Variants in RAB3IP observed in about 807,000 individuals in gnomAD.
RAB3IP encodes RAB3A interacting protein.
A neutral mutation model predicts 59.1 loss-of-function variants in RAB3IP; 36 were observed. The observed-to-expected ratio is 0.61, with a 90% CI of 0.47 to 0.80. The LOEUF (loss-of-function observed/expected upper bound fraction) is 0.80. RAB3IP is among the 30% of genes least tolerant of loss of function. RAB3IP has a pLI of 0.00. For missense variants in RAB3IP, 511 were observed against 536.0 expected (o/e 0.95, Z 0.46); for synonymous variants, 207 against 191.2 (o/e 1.08, Z -0.68).
At chr12:69,751,795 T>C (rs1869350923) in intron 1 of RAB3IP, among the ~76,000 whole-genome samples, 3 of 152,140 alleles carry the variant, frequency 2.0e-5, no homozygotes. Context: ...TTCTGTGTGG[T>C]TAAGCTACCA....
At chr12:69,764,953 G>A (rs984850597) in intron 3 of RAB3IP, among the ~76,000 whole-genome samples, 2 of 152,122 alleles carry the variant, frequency 1.3e-5, no homozygotes, top group East Asian at 1.9e-4. Context: ...AATGTTATTG[G>A]TGTATACAAA....
chr12:69,801,121 G>A (rs991467068), intron 7 of RAB3IP, among the ~76,000 whole-genome samples: 21 of 152,124 alleles, frequency 1.4e-4, no homozygotes, highest in African/African-American at 4.6e-4. Flanking sequence ...AGTTGCTACC[G>A]TCTTCATCTG....
intron 3 of RAB3IP, among the ~76,000 whole-genome samples, chr12:69,766,533 T>TC (rs1176777636): frequency 1.3e-5 from 2 of 151,618 alleles, no homozygotes; most frequent in Non-Finnish European, 2.9e-5. Context: ...CTTTTCTTTT[T>TC]TTTTTTAAGA....
At chr12:69,743,138 A>G (rs1405196294) in intron 1 of RAB3IP, among the ~76,000 whole-genome samples, 3 of 152,236 alleles carry the variant, frequency 2.0e-5, no homozygotes, top group South Asian at 2.1e-4. Flanking sequence ...AGAATGCCCT[A>G]TGAGCATAAA....
chr12:69,751,336 G>A lies in RAB3IP; in HGVS notation c.-25-4048G>A, dbSNP rs950231452. ...TAACAAGATGTTCCAGGGTCCTTTC[G>A]TACATTTCTGTCCCAGGCTGGAATC... On this transcript the variant is annotated intron_variant, in intron 1 of 10. Coordinates refer to ENST00000247833, the MANE Select transcript of RAB3IP (RefSeq NM_022456.5). Among the ~76,000 whole-genome samples, 5 of 152,212 alleles carry A rather than the reference G, an allele frequency of 3.3e-5. No homozygotes were observed. The East Asian group carries it at 5.8e-4, about 18-fold the overall frequency.
intron 6 of RAB3IP, among the ~76,000 whole-genome samples, chr12:69,798,790 G>T (rs1039156962): frequency 6.6e-6 from 1 of 152,060 alleles, no homozygotes; most frequent in Non-Finnish European, 1.5e-5. Context: ...GAATAAATTT[G>T]CATCTTTCTT....
At chr12:69,797,871 A>G (rs369944257) in intron 6 of RAB3IP, among the ~76,000 whole-genome samples, 16 of 152,018 alleles carry the variant, frequency 1.1e-4, no homozygotes, top group Non-Finnish European at 1.8e-4. Flanking sequence ...TTTTATGGCT[A>G]CATAGTATTC....
At chr12:69,751,366 A>G (rs1869253329) in intron 1 of RAB3IP, among the ~76,000 whole-genome samples, 2 of 151,972 alleles carry the variant, frequency 1.3e-5, no homozygotes, top group African/African-American at 4.8e-5. Flanking sequence ...GGAATCAGCC[A>G]TTTTTCCCAA....
chr12:69,765,315 G>A (rs1434417037), intron 3 of RAB3IP, among the ~76,000 whole-genome samples: 2 of 152,088 alleles, frequency 1.3e-5, no homozygotes, highest in African/African-American at 4.8e-5. Flanking sequence ...ACATTTCTTT[G>A]ATGCCTAATT....
intron 4 of RAB3IP, among the ~76,000 whole-genome samples, chr12:69,786,079 G>A (rs191994403): frequency 6.6e-6 from 1 of 152,066 alleles, no homozygotes; most frequent in Admixed American, 6.6e-5. Context: ...AAACTTGGGG[G>A]GGTGGAAATT....
chr12:69,751,779 G>T (rs1478225074), intron 1 of RAB3IP, among the ~76,000 whole-genome samples: 1 of 152,012 alleles, frequency 6.6e-6, no homozygotes, highest in African/African-American at 2.4e-5. Flanking sequence ...ACTCGAAGTA[G>T]TTCTTTTCTG....
chr12:69,756,572 A>G lies in RAB3IP; in HGVS notation c.419A>G (p.Asp140Gly), dbSNP rs761894282. 1 of 1,614,010 alleles carries G rather than the reference A, an allele frequency of 6.2e-7. No individual in the cohort carries two copies. The highest frequency in any genetic ancestry group is 1.3e-5 in the African/African-American group (1 of 74,914). Residue 140 changes from aspartate (D) to glycine (G), a missense_variant, in exon 3 of 11, where the codon GAT (aspartate) becomes GGT (glycine). Coordinates refer to ENST00000247833, the MANE Select transcript of RAB3IP (RefSeq NM_022456.5). Reference protein sequence around the residue: ...GSDDIFGLSTDSLSRLRSPSV... With the variant: ...GSDDIFGLSTGSLSRLRSPSV... The stretch of plus-strand genomic sequence containing the variant: ...GATGATATTTTTGGGTTGAGTACTG[A>G]TAGTCTGTCTCGTTTACGAAGCCCA...
intron 8 of RAB3IP, among the ~76,000 whole-genome samples, chr12:69,803,288 G>A (rs1205343732): frequency 1.3e-5 from 2 of 152,010 alleles, no homozygotes; most frequent in Non-Finnish European, 1.5e-5. Flanking sequence ...GATGCATATC[G>A]TGGAAAAAAC....
intron 6 of RAB3IP, among the ~76,000 whole-genome samples, chr12:69,797,477 CT>C: frequency 0.34 from 18,810 of 55,224 alleles, 2,778 homozygotes; most frequent in South Asian, 0.4. Context: ...TCTTTTCTTT[CT>C]TTTTTTTTTT....
At chr12:69,758,845 GT>G (rs773023046) in intron 3 of RAB3IP, among the ~76,000 whole-genome samples, 8 of 111,364 alleles carry the variant, frequency 7.2e-5, no homozygotes, top group Middle Eastern at 5.9e-3. Flanking sequence ...GTTGATGGTT[GT>G]TTTTTTTTTT....
intron 8 of RAB3IP, among the ~76,000 whole-genome samples, chr12:69,802,563 A>T (rs147631747): frequency 5.0e-4 from 76 of 152,336 alleles, no homozygotes; most frequent in Non-Finnish European, 7.4e-4. Context: ...TTAAAAAATG[A>T]CTTGGAAAGC....
At chr12:69,766,569 G>GGA (rs1872237640) in intron 3 of RAB3IP, among the ~76,000 whole-genome samples, 1 of 150,478 alleles carries the variant, frequency 6.6e-6, no homozygotes, top group Non-Finnish European at 1.5e-5. Flanking sequence ...CACCCAGGCT[G>GGA]GAGTGCAATG....
intron 4 of RAB3IP, among the ~76,000 whole-genome samples, chr12:69,790,922 A>G (rs140790933): frequency 6.6e-6 from 1 of 152,338 alleles, no homozygotes; most frequent in East Asian, 1.9e-4. Flanking sequence ...AGCTGGATGC[A>G]TCACACTTCC....
In RAB3IP at chr12:69,809,462, G is replaced by A. The variant is rs974391665; in HGVS notation, c.1131-3316G>A. 4.1e-4 allele frequency among the ~76,000 whole-genome samples: 63 copies of A among 152,232 alleles called. 1 individual carries two copies. Among genetic ancestry groups the A allele is most frequent in the African/African-American group, 1.5e-3 (61 of 41,528 alleles). ...ATGTTGGCCTGCCTTGCTAGATTGG[G>A]GAAGTTCTCCTGGATAATATCCTGC... On this transcript the variant is annotated intron_variant, in intron 8 of 10. Coordinates refer to ENST00000247833, the MANE Select transcript of RAB3IP (RefSeq NM_022456.5).
Sources: allele counts gnomAD v4.1 joint callset (sites outside exome capture counted in the v4.1 genomes callset), GRCh38; gene constraint gnomAD v4.1.1; transcripts MANE v1.5; gene names NCBI Gene and HGNC (gene_info 2026-07-23, HGNC 2026-07-21).